The following MYO1F variants were observed in gnomAD, a reference collection of about 807,000 sequenced individuals.
MYO1F encodes unconventional myosin-If.
MYO1F carries 60 observed loss-of-function variants against 146.6 expected under a neutral mutation model. The ratio of observed to expected loss-of-function variants is 0.41; its 90% CI spans 0.33 to 0.51. MYO1F has a LOEUF of 0.51. MYO1F is among the 20% of genes least tolerant of loss of function. The probability of loss-of-function intolerance (pLI) is 0.25; values close to 1 mark genes in which losing one functional copy is unlikely to be tolerated. For missense variants in MYO1F, 1,274 were observed against 1,534.3 expected (o/e 0.83, Z 2.83); for synonymous variants, 602 against 602.1 (o/e 1.00, Z 0.00).
chr19:8,563,654 G>C (rs2041947540), intron 1 of MYO1F, among the ~76,000 whole-genome samples: 1 of 151,824 alleles, frequency 6.6e-6, no homozygotes, highest in Non-Finnish European at 1.5e-5. Flanking sequence ...GGTTACAGGA[G>C]CCCATCAACA....
chr19:8,577,117 C>T lies in MYO1F; in HGVS notation c.3+190G>A. On this transcript the variant is annotated intron_variant, in intron 1 of 27. Transcript: ENST00000644032. This position sits in a 1 kb window ranked among gnomAD's most constrained non-coding sequence, Gnocchi z 4.3. ...ACCACCCTGGCATCCCCACCACCTA[C>T]AGATGGGAGCTTGCTCCCTGGTAAG... 1 of 696,210 alleles carries T rather than the reference C, an allele frequency of 1.4e-6. No individual in the cohort carries two copies. The highest frequency in any genetic ancestry group is 2.5e-6 in the Non-Finnish European group (1 of 392,202). The allele number at this position is 696,210 out of a possible 1,614,324, so 43.1% of individuals were successfully genotyped here.
At chr19:8,532,903 T>TATATATATACACAC (rs1972545379) in intron 19 of MYO1F, among the ~76,000 whole-genome samples, 2 of 113,164 alleles carry the variant, frequency 1.8e-5, no homozygotes, top group Non-Finnish European at 3.6e-5. Context: ...AAAAAAAAAA[T>TATATATATACACAC]ACACACACAC....
chr19:8,538,685 T>A (rs1972833480), intron 16 of MYO1F, among the ~76,000 whole-genome samples: 2 of 151,266 alleles, frequency 1.3e-5, no homozygotes, highest in African/African-American at 2.4e-5. Flanking sequence ...CCTCCTGGGC[T>A]CAAATGATCC....
chr19:8,553,044 G>T, intron 6 of MYO1F, 95 bp downstream of exon 6: 2 of 1,209,786 alleles, frequency 1.7e-6, no homozygotes, highest in Non-Finnish European at 2.5e-6. Context: ...ATGGACTCTT[G>T]TCTTGGCAAT....
chr19:8,566,161 C>CTTTTTTT (rs781059040), intron 1 of MYO1F, among the ~76,000 whole-genome samples: 21 of 78,358 alleles, frequency 2.7e-4, no homozygotes, highest in African/African-American at 3.2e-4. Flanking sequence ...CAGTCTATGT[C>CTTTTTTT]TTTTTTTTTT....
intron 1 of MYO1F, among the ~76,000 whole-genome samples, chr19:8,574,568 TTTCTTTCTTTCTCTCTCTCTCTCTCTC>T (rs1555732902): frequency 2.3e-5 from 2 of 86,224 alleles, no homozygotes; most frequent in African/African-American, 1.2e-4. Context: ...TCTTTCTTTC[TTTCTTTCTTTCTCTCTCTCTCTCTCTC>T]TCTTTCTTTC....
rs755862572 is a variant in MYO1F at position 8,530,415 on chromosome 19, G to A, written c.2158+44C>T. ...AGAGCTCCTGATACAGCTCCTCCAG[G>A]TCCTTGTGCCCCCACCCCGCGCCGT... is the stretch of plus-strand genomic sequence containing the variant. On this transcript the variant is annotated intron_variant, in intron 20 of 27. Transcript: ENST00000644032. The surrounding 1 kb of genome is among the most constrained non-coding windows in gnomAD (Gnocchi z 5.8). 1 of 1,613,736 alleles carries A rather than the reference G, an allele frequency of 6.2e-7. No homozygotes were observed. The highest frequency in any genetic ancestry group is 8.5e-7 in the Non-Finnish European group (1 of 1,179,982).
At chr19:8,560,223 G>A (rs1395111994) in intron 1 of MYO1F, among the ~76,000 whole-genome samples, 3 of 151,988 alleles carry the variant, frequency 2.0e-5, no homozygotes, top group East Asian at 3.9e-4. Flanking sequence ...GGTGGCTCAC[G>A]CCTGTAATCC....
At chr19:8,561,883 ATT>A (rs1403518798) in intron 1 of MYO1F, among the ~76,000 whole-genome samples, 1 of 151,416 alleles carries the variant, frequency 6.6e-6, no homozygotes, top group Non-Finnish European at 1.5e-5. Context: ...CACCCGGCTA[ATT>A]TTTGTATTTT....
rs562975523 is a variant in MYO1F at position 8,530,714 on chromosome 19, G to A, written c.2044-141C>T. 306 of 693,234 alleles carry A rather than the reference G, an allele frequency of 4.4e-4. 5 individuals are homozygous for A. The highest frequency in any genetic ancestry group is 3.9e-3 in the South Asian group (243 of 62,926). The allele number at this position is 693,234 out of a possible 1,614,324, so 42.9% of individuals were successfully genotyped here. On this transcript the variant is annotated intron_variant, in intron 19 of 27. Transcript: ENST00000644032. The surrounding 1 kb of genome is among the most constrained non-coding windows in gnomAD (Gnocchi z 5.8). ...ATGTGCTAATTTTTTTAAGAGGCGG[G>A]GTCTTTCTAGTGACACTCGTTCATA... is the stretch of plus-strand genomic sequence containing the variant.
At position 8,522,398 on chromosome 19, in the gene MYO1F, C is replaced by A. The variant is rs1350427254; in HGVS notation, c.3199G>T (p.Val1067Phe). Residue 1067 changes from valine to phenylalanine, a missense_variant, in exon 27 of 28, where the codon GTC becomes TTC. Val to Phe is a conservative substitution (Grantham distance 50, BLOSUM62 -1). Coordinates refer to ENST00000644032, the MANE Select transcript of MYO1F (RefSeq NM_012335.4). Reference sequence around the variant, plus strand: ...ACACCTTCCATGAGGATCTCAATGACCTCGTTCACGTTGAAGCTCAGCTCG... The same window carrying A: ...ACACCTTCCATGAGGATCTCAATGAACTCGTTCACGTTGAAGCTCAGCTCG... ...VDELSFNVNE[V>F]IEILMEDPSG... The A allele has an allele frequency of 6.2e-7, 1 of 1,614,152 alleles. No homozygotes were observed. The highest frequency in any genetic ancestry group is 1.7e-5 in the Admixed American group (1 of 60,016).
intron 19 of MYO1F, among the ~76,000 whole-genome samples, chr19:8,532,903 TACACACACACACACACACAC>T (rs60799506): frequency 3.2e-4 from 36 of 113,172 alleles, no homozygotes; most frequent in East Asian, 3.0e-3. Context: ...AAAAAAAAAA[TACACACACACACACACACAC>T]ACACACACAC....
intron 12 of MYO1F, among the ~76,000 whole-genome samples, chr19:8,547,300 CAAAAAAAAAAA>C: frequency 2.2e-5 from 1 of 44,994 alleles, no homozygotes; most frequent in Non-Finnish European, 3.9e-5. Flanking sequence ...GTTCCTGTCT[CAAAAAAAAAAA>C]AAAAAAAAAA....
chr19:8,575,729 T>C (rs971150668), intron 1 of MYO1F, among the ~76,000 whole-genome samples: 2 of 145,704 alleles, frequency 1.4e-5, no homozygotes, highest in Admixed American at 6.9e-5. Flanking sequence ...TTTTTTTCTC[T>C]TCTATCATCC....
chr19:8,546,217 AC>A (rs1445550753), intron 12 of MYO1F, among the ~76,000 whole-genome samples: 2 of 151,586 alleles, frequency 1.3e-5, no homozygotes, highest in Non-Finnish European at 2.9e-5. Flanking sequence ...GGTATGTGCC[AC>A]CACGCCGGAC....
intron 1 of MYO1F, among the ~76,000 whole-genome samples, chr19:8,572,519 C>T (rs183129893): frequency 1.2e-4 from 18 of 152,190 alleles, no homozygotes; most frequent in Non-Finnish European, 2.4e-4. Context: ...CCACCTGCCT[C>T]GGCCTCCTAA....
intron 1 of MYO1F, among the ~76,000 whole-genome samples, chr19:8,569,719 C>T (rs1014775742): frequency 6.6e-6 from 1 of 152,084 alleles, no homozygotes; most frequent in Non-Finnish European, 1.5e-5. Context: ...CATGAACTTT[C>T]CAGGCAGCAT....
chr19:8,526,922 C>T lies in MYO1F; in HGVS notation c.2488G>A (p.Asp830Asn), dbSNP rs770457876. The T allele has an allele frequency of 1.2e-6, 2 of 1,613,898 alleles. No homozygotes were observed. Among genetic ancestry groups the T allele is most frequent in the Non-Finnish European group, 1.7e-6 (2 of 1,180,000 alleles). The change falls in exon 23 of 28, where the codon GAC becomes AAC. Residue 830 changes from aspartate to asparagine, a missense_variant. Around this residue, in one of 2 missense-constraint regions of MYO1F, gnomAD observed 900 missense variants for 1,155.1 expected, o/e 0.78. Transcript: ENST00000644032. ...GCATCCTCTTGGAGGATGAAGAAGT[C>T]GTCCTGTCGCGTGCTGGGGAGGGGC... ...RGVSLSTRQDDFFILQEDAAD... is the reference protein window; with the variant it reads ...RGVSLSTRQDNFFILQEDAAD...
intron 16 of MYO1F, among the ~76,000 whole-genome samples, chr19:8,537,378 G>A (rs1407673276): frequency 2.6e-5 from 4 of 152,188 alleles, no homozygotes; most frequent in Non-Finnish European, 4.4e-5. Context: ...GAGCCCTTAT[G>A]AGAGCATTTC....
Sources: allele counts gnomAD v4.1 joint callset (sites outside exome capture counted in the v4.1 genomes callset), GRCh38; gene constraint gnomAD v4.1.1; regional missense constraint gnomAD v4.1.1; non-coding constraint Gnocchi (gnomAD v3.1); transcripts MANE v1.5; gene names NCBI Gene and HGNC (gene_info 2026-07-23, HGNC 2026-07-21).